CNTNAP2: variants seen among roughly 807,000 people sequenced by gnomAD.
The protein encoded by CNTNAP2 is contactin-associated protein-like 2.
In CNTNAP2, 98 loss-of-function variants were observed where a neutral mutation model predicts 155.2. That is an observed-to-expected ratio of 0.63 (90% CI 0.54 to 0.75). The LOEUF (loss-of-function observed/expected upper bound fraction) is 0.75. Among genes scored for constraint, CNTNAP2 ranks in the 30% least tolerant of loss-of-function variants. CNTNAP2 has a pLI of 0.00. For synonymous variants in CNTNAP2, 651 were observed against 631.2 expected (o/e 1.03, Z -0.47); for missense variants, 1,727 against 1,688.1 (o/e 1.02, Z -0.40).
At chr7:146,787,763 T>C (rs1802601553) in intron 2 of CNTNAP2, among the ~76,000 whole-genome samples, 1 of 152,164 alleles carries the variant, frequency 6.6e-6, no homozygotes. Context: ...AGAGAGCCGA[T>C]TGGTCCGTTT....
At chr7:146,362,865 G>A (rs554375463) in intron 1 of CNTNAP2, among the ~76,000 whole-genome samples, 2 of 150,054 alleles carry the variant, frequency 1.3e-5, no homozygotes, top group East Asian at 4.0e-4. Flanking sequence ...CCGCCTCCCG[G>A]GTTCAAGAGA....
intron 3 of CNTNAP2, among the ~76,000 whole-genome samples, chr7:146,919,908 T>A (rs1187357997): frequency 6.6e-6 from 1 of 152,218 alleles, no homozygotes; most frequent in African/African-American, 2.4e-5. Context: ...GGTCTCCACA[T>A]GCTGCTCTGT....
At chr7:147,402,475 C>A (rs1395837793) in intron 10 of CNTNAP2, among the ~76,000 whole-genome samples, 1 of 152,178 alleles carries the variant, frequency 6.6e-6, no homozygotes, top group East Asian at 1.9e-4. Flanking sequence ...CTATTCCCAG[C>A]ATGTCTGAGT....
intron 1 of CNTNAP2, among the ~76,000 whole-genome samples, chr7:146,350,512 TA>T (rs1352516251): frequency 2.2e-4 from 34 of 151,754 alleles, no homozygotes; most frequent in Non-Finnish European, 4.6e-4. Flanking sequence ...TGGCAATCAT[TA>T]AAAAGTCAGG....
At chr7:146,142,632 A>G (rs1254758868) in intron 1 of CNTNAP2, among the ~76,000 whole-genome samples, 1 of 152,178 alleles carries the variant, frequency 6.6e-6, no homozygotes, top group Non-Finnish European at 1.5e-5. Context: ...TTATGAGCAG[A>G]AAACAAACCT....
chr7:147,360,490 T>G (rs912444552), intron 9 of CNTNAP2, among the ~76,000 whole-genome samples: 3 of 152,220 alleles, frequency 2.0e-5, no homozygotes, highest in Non-Finnish European at 4.4e-5. Context: ...CAATATTTAT[T>G]GTGCATCTGT....
At chr7:146,680,160 G>A (rs1396036672) in intron 1 of CNTNAP2, among the ~76,000 whole-genome samples, 2 of 152,014 alleles carry the variant, frequency 1.3e-5, no homozygotes, top group Non-Finnish European at 2.9e-5. Context: ...TTATACATGA[G>A]GACTTAAGGC....
At chr7:147,126,271 T>A (rs1801232851) in intron 6 of CNTNAP2, among the ~76,000 whole-genome samples, 2 of 152,168 alleles carry the variant, frequency 1.3e-5, no homozygotes, top group African/African-American at 4.8e-5. Context: ...ACTTGAAAGC[T>A]AACAAAATCG....
chr7:146,770,043 T>C (rs1403559620), intron 1 of CNTNAP2, among the ~76,000 whole-genome samples: 1 of 152,160 alleles, frequency 6.6e-6, no homozygotes, highest in African/African-American at 2.4e-5. Context: ...CACACGTTTA[T>C]GATGGAGCCA....
At chr7:148,125,233 T>G (rs996192147) in intron 16 of CNTNAP2, among the ~76,000 whole-genome samples, 3 of 152,078 alleles carry the variant, frequency 2.0e-5, no homozygotes, top group African/African-American at 7.2e-5. Flanking sequence ...TCTCTGTCTC[T>G]TTCTCTCTTT....
At chr7:146,541,859 T>C (rs1365268607) in intron 1 of CNTNAP2, among the ~76,000 whole-genome samples, 1 of 152,022 alleles carries the variant, frequency 6.6e-6, no homozygotes, top group Non-Finnish European at 1.5e-5. Context: ...TTGCATGTAC[T>C]GTTCTTGAAT....
chr7:146,242,269 G>A (rs528218702), intron 1 of CNTNAP2, among the ~76,000 whole-genome samples: 3 of 152,164 alleles, frequency 2.0e-5, no homozygotes, highest in African/African-American at 4.8e-5. Context: ...GCCGGGCGCC[G>A]TGGCTCACAC....
At chr7:146,385,962 C>G (rs1795454110) in intron 1 of CNTNAP2, among the ~76,000 whole-genome samples, 1 of 152,182 alleles carries the variant, frequency 6.6e-6, no homozygotes, top group African/African-American at 2.4e-5. Flanking sequence ...AAGCATATCA[C>G]ATACAAGTAG....
chr7:147,342,204 G>T (rs1436347443), intron 9 of CNTNAP2, among the ~76,000 whole-genome samples: 1 of 152,066 alleles, frequency 6.6e-6, no homozygotes, highest in Non-Finnish European at 1.5e-5. Context: ...TCACATTTGG[G>T]ATTTCAACAT....
At chr7:147,260,559 A>C (rs547943735) in intron 8 of CNTNAP2, among the ~76,000 whole-genome samples, 1 of 152,366 alleles carries the variant, frequency 6.6e-6, no homozygotes, top group African/African-American at 2.4e-5. Context: ...AATGTGTACT[A>C]TCCACACTAT....
chr7:148,417,139 C>T lies in CNTNAP2; in HGVS notation c.*1523C>T, dbSNP rs1028349418. On this transcript the variant is annotated 3_prime_UTR_variant, in exon 24 of 24. Transcript: ENST00000361727. ...CATTCTGAGGAATTCAATATGATCA[C>T]TTTTTCCTTCTTTGCCTGGGAGAGG... is the stretch of plus-strand genomic sequence containing the variant. 4.6e-5 allele frequency: 7 copies of T among 152,132 alleles called. No homozygotes were observed. Among genetic ancestry groups the T allele is most frequent in the Non-Finnish European group, 8.8e-5 (6 of 68,014 alleles). 9.4% of individuals were successfully genotyped at this position (152,132 alleles called of 1,614,324 possible).
At chr7:146,229,059 A>G (rs113244093) in intron 1 of CNTNAP2, among the ~76,000 whole-genome samples, 150 of 152,330 alleles carry the variant, frequency 9.8e-4, no homozygotes, top group African/African-American at 3.4e-3. Flanking sequence ...ATATAAAACT[A>G]TATATCTTTC....
intron 8 of CNTNAP2, among the ~76,000 whole-genome samples, chr7:147,209,818 T>A (rs1803107156): frequency 6.6e-6 from 1 of 151,978 alleles, no homozygotes; most frequent in Non-Finnish European, 1.5e-5. Context: ...TATTATAAAC[T>A]TTTTCTGCAT....
chr7:147,500,327 G>C (rs894867855), intron 11 of CNTNAP2, among the ~76,000 whole-genome samples: 1 of 151,910 alleles, frequency 6.6e-6, no homozygotes, highest in Non-Finnish European at 1.5e-5. Flanking sequence ...AGACCAGCCT[G>C]GTCTCTTACA....
Sources: gnomAD v4.1 joint callset for allele counts (sites outside exome capture counted in the v4.1 genomes callset) on GRCh38, gnomAD v4.1.1 for gene constraint, MANE v1.5 for transcripts, NCBI Gene and HGNC (gene_info 2026-07-23, HGNC 2026-07-21) for gene names.